FAM120C: variants seen among roughly 807,000 people sequenced by gnomAD.
The protein encoded by FAM120C is constitutive coactivator of PPAR-gamma-like protein 2.
A neutral mutation model predicts 71.2 loss-of-function variants in FAM120C; 14 were observed. That is an observed-to-expected ratio of 0.20 (90% CI 0.13 to 0.31). The LOEUF is 0.31. FAM120C is among the 10% of genes least tolerant of loss of function. The pLI is 1.00. For missense variants in FAM120C, 500 were observed against 879.0 expected (o/e 0.57, Z 5.45); for synonymous variants, 354 against 353.2 (o/e 1.00, Z -0.03).
At chrX:54,116,410 C>T (rs1024258308) in intron 10 of FAM120C, 135 bp downstream of exon 10, 17 of 656,559 alleles carry the variant, frequency 2.6e-5, no homozygotes, top group South Asian at 1.2e-4. Context: ...CAATCATTTT[C>T]GGTGTTTCTG....
chrX:54,136,451 C>T, intron 5 of FAM120C, 40 bp downstream of exon 5: 1 of 1,044,665 alleles, frequency 9.6e-7, no homozygotes, highest in Non-Finnish European at 1.3e-6. Flanking sequence ...CTCAGTTTCC[C>T]CTATGAACAG....
chrX:54,156,495 G>T (rs1467791600), intron 3 of FAM120C, among the ~76,000 whole-genome samples: 1 of 107,360 alleles, frequency 9.3e-6, no homozygotes, highest in Non-Finnish European at 1.9e-5. Context: ...GCTAATTTTT[G>T]ATTACAGGCA....
rs1295907844 is a variant in FAM120C, at chrX:54,070,070, G to T, written c.*2963C>A. The T allele has an allele frequency of 8.9e-6, 1 of 111,841 alleles. No individual in the cohort carries two copies. Among genetic ancestry groups the T allele is most frequent in the African/African-American group, 3.2e-5 (1 of 30,826 alleles). The allele number at this position is 111,841 out of a possible 1,213,427, so 9.2% of individuals were successfully genotyped here. ...CAGTCTCTTCAAGTGGTGAAGCAAA[G>T]ATCAGACCCCACCTTCCACAATTTG... On this transcript the variant is annotated 3_prime_UTR_variant, in exon 16 of 16. Transcript: ENST00000375180.
At chrX:54,135,467 T>C in intron 6 of FAM120C, 61 bp downstream of exon 6, 2 of 1,016,211 alleles carry the variant, frequency 2.0e-6, no homozygotes, top group Non-Finnish European at 2.8e-6. Context: ...CTCCTCAGAT[T>C]ATAAAAATCA....
intron 9 of FAM120C, among the ~76,000 whole-genome samples, chrX:54,126,595 T>A (rs1387467695): frequency 1.8e-5 from 2 of 112,682 alleles, no homozygotes; most frequent in African/African-American, 6.4e-5. Context: ...ATGTTCTTTA[T>A]CTTCAGGAAG....
chrX:54,126,161 T>C (rs1301554616), intron 9 of FAM120C, among the ~76,000 whole-genome samples: 1 of 112,089 alleles, frequency 8.9e-6, no homozygotes, highest in Non-Finnish European at 1.9e-5. Context: ...GCAATTACAG[T>C]TTTATTTCTT....
At chrX:54,182,195 T>C (rs1158080115) in intron 1 of FAM120C, among the ~76,000 whole-genome samples, 2 of 111,786 alleles carry the variant, frequency 1.8e-5, no homozygotes, top group African/African-American at 6.5e-5. Flanking sequence ...CAAAAGAAAT[T>C]CTGACTAGAT....
intron 1 of FAM120C, among the ~76,000 whole-genome samples, chrX:54,170,533 T>G (rs1387251497): frequency 8.9e-6 from 1 of 111,985 alleles, no homozygotes; most frequent in Non-Finnish European, 1.9e-5. Context: ...AAAACTTGGA[T>G]TTTTAAAAAA....
At chrX:54,137,812 G>T (rs1399562999) in intron 4 of FAM120C, among the ~76,000 whole-genome samples, 1 of 111,732 alleles carries the variant, frequency 8.9e-6, no homozygotes, top group Non-Finnish European at 1.9e-5. Context: ...CACTGGCAAG[G>T]ATATGAAGTA....
At chrX:54,127,966 G>A (rs1390957349) in intron 9 of FAM120C, among the ~76,000 whole-genome samples, 1 of 110,720 alleles carries the variant, frequency 9.0e-6, no homozygotes, top group Non-Finnish European at 1.9e-5. Flanking sequence ...TAGATTGAAT[G>A]GTAGTTCGTT....
intron 15 of FAM120C, among the ~76,000 whole-genome samples, chrX:54,079,469 AAG>A (rs1325900497): frequency 9.1e-6 from 1 of 109,374 alleles, no homozygotes; most frequent in Non-Finnish European, 1.9e-5. Flanking sequence ...AGAGAGAAAG[AAG>A]AGAGAGAGAA....
Position 54,181,022 on chromosome X carries a change from C to CT in FAM120C, c.699+1477dup, listed in dbSNP as rs373135679. ...GTCAGAAGAGCAAGCAAATGTGTGC[C>CT]TTTTTTTTTTTTTTTAACCTTGTAT... is the stretch of plus-strand genomic sequence containing the variant. On this transcript the variant is annotated intron_variant, in intron 1 of 15. Transcript: ENST00000375180. Among the ~76,000 whole-genome samples, 363 of 96,627 alleles carry CT rather than the reference C, an allele frequency of 3.8e-3. 1 individual carries two copies. Among genetic ancestry groups the CT allele is most frequent in the East Asian group, 0.035 (110 of 3,105 alleles). The allele number at this position is 96,627 out of a possible 115,157, so 83.9% of individuals were successfully genotyped here.
At position 54,079,527 on chromosome X, in the gene FAM120C, G is replaced by A. The variant is rs188750467; in HGVS notation, c.3036+705C>T. On this transcript the variant is annotated intron_variant, in intron 15 of 15. Coordinates refer to ENST00000375180, the MANE Select transcript of FAM120C (RefSeq NM_017848.6). ...CATTAAGAATAAGCAGGCCGGTTGC[G>A]GTGGCTCACGCCTGTAATCCAGCAC... Among the ~76,000 whole-genome samples, 38 of 112,137 alleles carry A rather than the reference G, an allele frequency of 3.4e-4. 1 individual carries two copies. Among genetic ancestry groups the A allele is most frequent in the South Asian group, 3.7e-4 (1 of 2,730 alleles).
At chrX:54,090,894 A>T (rs1199318099) in intron 11 of FAM120C, among the ~76,000 whole-genome samples, 1 of 111,127 alleles carries the variant, frequency 9.0e-6, no homozygotes, top group Non-Finnish European at 1.9e-5. Context: ...ACTGTGCTCT[A>T]CTGCCTTCAG....
At chrX:54,131,841 A>C (rs2067069002) in intron 9 of FAM120C, among the ~76,000 whole-genome samples, 1 of 108,406 alleles carries the variant, frequency 9.2e-6, no homozygotes, top group South Asian at 3.9e-4. Context: ...GGCTCACTGC[A>C]AGCTCCGCCT....
chrX:54,171,437 A>G (rs782342497), intron 1 of FAM120C: 1 of 112,232 alleles, frequency 8.9e-6, no homozygotes, highest in Non-Finnish European at 1.9e-5. Flanking sequence ...ACAGAAATGT[A>G]TTTTTATTTA....
intron 10 of FAM120C, among the ~76,000 whole-genome samples, chrX:54,099,967 A>G (rs1557123906): frequency 8.9e-6 from 1 of 112,188 alleles, no homozygotes; most frequent in Non-Finnish European, 1.9e-5. Context: ...TGCTTATAAC[A>G]GAATGCCTGA....
At position 54,170,158 on chromosome X, in the gene FAM120C, T is replaced by A. The variant is rs1603364973; in HGVS notation, c.700-10542A>T. ...TAGTACTTTTTTCTCTTTTCTGAGATGGAGTTTTGCTCTTGTTGCCCAGGC... is the reference window on the plus strand; with the variant it reads ...TAGTACTTTTTTCTCTTTTCTGAGAAGGAGTTTTGCTCTTGTTGCCCAGGC... On this transcript the variant is annotated intron_variant, in intron 1 of 15. Coordinates refer to ENST00000375180, the MANE Select transcript of FAM120C (RefSeq NM_017848.6). Among the ~76,000 whole-genome samples the A allele has an allele frequency of 2.7e-5, 3 of 111,596 alleles. No homozygotes were observed. The Admixed American group carries it at 2.9e-4, about 11-fold the overall frequency.
In FAM120C at chrX:54,183,037, T is replaced by C. The variant is rs1465250455; in HGVS notation, c.162A>G (p.Pro54=). Residue 54 remains proline (P), a synonymous_variant, in exon 1 of 16, where the codon CCA becomes CCG. Transcript: ENST00000375180. ...GAGGCACGGAGCCCCTGGCGGCGCG[T>C]GGAGCCCCGGGCGCTAGGGCTGCAG... ...PPTAALAPGA[P]RAARGSVPLQ... 3 of 1,155,423 alleles carry C rather than the reference T, an allele frequency of 2.6e-6. No homozygotes were observed. The African/African-American group carries it at 5.4e-5, about 21-fold the overall frequency.
Sources: gnomAD v4.1 joint callset for allele counts (sites outside exome capture counted in the v4.1 genomes callset) on GRCh38, gnomAD v4.1.1 for gene constraint, MANE v1.5 for transcripts, NCBI Gene and HGNC (gene_info 2026-07-23, HGNC 2026-07-21) for gene names.